ELMO1: variants seen among roughly 807,000 people sequenced by gnomAD.
ELMO1 encodes the protein engulfment and cell motility protein 1.
ELMO1 carries 26 observed loss-of-function variants against 98.9 expected under a neutral mutation model. The observed-to-expected ratio is 0.26, with a 90% CI of 0.19 to 0.36. The LOEUF (loss-of-function observed/expected upper bound fraction) is 0.36, where lower values mean the gene tolerates loss of function less well. Ranked by LOEUF, ELMO1 falls within the 10% of genes least tolerant of loss-of-function variation. The pLI is 1.00. For synonymous variants in ELMO1, 346 were observed against 346.0 expected, an observed-to-expected ratio of 1.00 and a Z score of 0.00; for missense variants, 627 against 935.2, an observed-to-expected ratio of 0.67 and a Z score of 4.30.
intron 4 of ELMO1, among the ~76,000 whole-genome samples, chr7:37,278,074 C>T (rs1796941663): frequency 6.8e-6 from 1 of 147,816 alleles, no homozygotes; most frequent in African/African-American, 2.5e-5. Context: ...ACTTCCAATT[C>T]TCAATAAATT....
At chr7:37,434,742 C>T (rs1290637505) in intron 1 of ELMO1, among the ~76,000 whole-genome samples, 1 of 152,172 alleles carries the variant, frequency 6.6e-6, no homozygotes, top group Non-Finnish European at 1.5e-5. Context: ...CACTCTGCTC[C>T]CCAGTTCCTG....
intron 16 of ELMO1, among the ~76,000 whole-genome samples, chr7:36,954,822 G>A (rs1788307209): frequency 1.3e-5 from 2 of 152,320 alleles, no homozygotes; most frequent in South Asian, 4.2e-4. Flanking sequence ...TGCTCAAAAT[G>A]CAGATTCTTA....
intron 16 of ELMO1, among the ~76,000 whole-genome samples, chr7:36,994,577 A>G (rs1242619971): frequency 1.3e-5 from 2 of 152,208 alleles, no homozygotes; most frequent in East Asian, 1.9e-4. Flanking sequence ...AGGATATCTG[A>G]AAACATCTCA....
chr7:36,939,897 G>T (rs998889399), intron 16 of ELMO1, among the ~76,000 whole-genome samples: 1 of 152,236 alleles, frequency 6.6e-6, no homozygotes, highest in Non-Finnish European at 1.5e-5. Context: ...AACACTGTAT[G>T]CTCCTGGCAA....
intron 16 of ELMO1, among the ~76,000 whole-genome samples, chr7:36,938,001 C>G (rs941473937): frequency 9.2e-5 from 14 of 152,202 alleles, no homozygotes; most frequent in African/African-American, 3.4e-4. Flanking sequence ...TCCAGGAGTA[C>G]AGTAGGAGTC....
At chr7:36,900,384 G>GT (rs1410536485) in intron 16 of ELMO1, among the ~76,000 whole-genome samples, 1 of 152,220 alleles carries the variant, frequency 6.6e-6, no homozygotes. Context: ...GTATCCCAGA[G>GT]TGTAATATGG....
chr7:36,907,395 T>C (rs150386199), intron 16 of ELMO1, among the ~76,000 whole-genome samples: 145 of 152,288 alleles, frequency 9.5e-4, no homozygotes, highest in African/African-American at 3.4e-3. Context: ...GAAGAGTGCT[T>C]TCCAAAGTAA....
At chr7:37,167,868 G>C (rs1157557853) in intron 13 of ELMO1, among the ~76,000 whole-genome samples, 6 of 151,630 alleles carry the variant, frequency 4.0e-5, no homozygotes, top group African/African-American at 1.5e-4. Flanking sequence ...TGTATTTCCT[G>C]AATCTGAATG....
At chr7:37,192,896 C>A (rs6462737) in intron 13 of ELMO1, among the ~76,000 whole-genome samples, 143,393 of 143,854 alleles carry the variant, frequency 1, 71,467 homozygotes, top group Middle Eastern at 1. Context: ...ATATATTTAT[C>A]TATAGATACA....
intron 14 of ELMO1, among the ~76,000 whole-genome samples, chr7:37,132,490 C>G (rs557134976): frequency 4.6e-5 from 7 of 152,218 alleles, no homozygotes; most frequent in Non-Finnish European, 7.4e-5. Context: ...ACCGAGCAGC[C>G]CTGATAGATG....
rs763574840 is a variant in ELMO1, at chr7:37,259,369, A to C, written c.244-19T>G. On this transcript the variant is annotated intron_variant, in intron 5 of 21. Transcript: ENST00000310758. Reference sequence around the variant, plus strand: ...TCTGAGCCTTATGGGGCAAAAGCAAAGGGAAGAGTGTTGACAAACGAAACC... The same window carrying C: ...TCTGAGCCTTATGGGGCAAAAGCAACGGGAAGAGTGTTGACAAACGAAACC... The C allele has an allele frequency of 6.2e-7, 1 of 1,609,782 alleles. No homozygotes were observed. The highest frequency in any genetic ancestry group is 8.5e-7 in the Non-Finnish European group (1 of 1,177,252).
chr7:37,049,702 A>G (rs922567604), intron 15 of ELMO1, among the ~76,000 whole-genome samples: 1 of 152,042 alleles, frequency 6.6e-6, no homozygotes, highest in African/African-American at 2.4e-5. Context: ...CCAGAGGCAA[A>G]TGATATCCAG....
In ELMO1 at chr7:37,314,867, A is replaced by G; in HGVS notation, c.175T>C (p.Phe59Leu). ...TGACCTACCTTTTCTGTGATATAGA[A>G]GTTTGAACTATCGGCATGCTGGAGT... ...FALQHADSSN[F>L]YITEKNRNEI... is the part of the protein sequence containing the mutation. The change falls in exon 4 of 22, where the codon TTC (phenylalanine) becomes CTC (leucine). Residue 59 changes from phenylalanine to leucine, a missense_variant. By Grantham distance (22) the Phe-to-Leu change is conservative. Coordinates refer to ENST00000310758, the MANE Select transcript of ELMO1 (RefSeq NM_014800.11). 1 of 1,613,690 alleles carries G rather than the reference A, an allele frequency of 6.2e-7. No homozygotes were observed. Among genetic ancestry groups the G allele is most frequent in the Non-Finnish European group, 8.5e-7 (1 of 1,179,856 alleles).
chr7:37,383,809 TTTGTTG>T (rs137868643), intron 1 of ELMO1, among the ~76,000 whole-genome samples: 11,932 of 151,862 alleles, frequency 0.079, 587 homozygotes, highest in Middle Eastern at 0.12. Flanking sequence ...TACAGGGCTT[TTTGTTG>T]TTGTTGTTGT....
intron 16 of ELMO1, among the ~76,000 whole-genome samples, chr7:36,959,402 C>G (rs192899807): frequency 2.6e-5 from 4 of 152,172 alleles, no homozygotes; most frequent in Admixed American, 2.6e-4. Flanking sequence ...AGTTTTCAAG[C>G]CCCTGAAAAA....
At chr7:37,398,044 C>T (rs1260317715) in intron 1 of ELMO1, among the ~76,000 whole-genome samples, 1 of 152,194 alleles carries the variant, frequency 6.6e-6, no homozygotes, top group Non-Finnish European at 1.5e-5. Context: ...GGAAAAATAG[C>T]TACTGCATGC....
At chr7:37,000,534 T>C (rs1011928672) in intron 16 of ELMO1, among the ~76,000 whole-genome samples, 5 of 152,226 alleles carry the variant, frequency 3.3e-5, no homozygotes, top group Admixed American at 6.5e-5. Flanking sequence ...GGATGCATTT[T>C]TTCCCCCCAA....
chr7:37,214,987 T>C (rs1365919794), intron 11 of ELMO1, among the ~76,000 whole-genome samples: 1 of 152,210 alleles, frequency 6.6e-6, no homozygotes, highest in Non-Finnish European at 1.5e-5. Flanking sequence ...GAGCTACCCA[T>C]TGATGCTGCT....
chr7:37,155,280 A>C (rs1788656074), intron 13 of ELMO1, among the ~76,000 whole-genome samples: 1 of 152,190 alleles, frequency 6.6e-6, no homozygotes, highest in African/African-American at 2.4e-5. Flanking sequence ...CTAGCATCAT[A>C]ATGACAGTAT....
Sources: allele counts gnomAD v4.1 joint callset (sites outside exome capture counted in the v4.1 genomes callset), GRCh38; gene constraint gnomAD v4.1.1; transcripts MANE v1.5; gene names NCBI Gene and HGNC (gene_info 2026-07-23, HGNC 2026-07-21).